CALD1: variants seen among roughly 807,000 people sequenced by gnomAD.
CALD1 encodes caldesmon 1, also known as caldesmon.
A neutral mutation model predicts 99.9 loss-of-function variants in CALD1; 33 were observed. The ratio of observed to expected loss-of-function variants is 0.33; its 90% CI spans 0.25 to 0.44. The LOEUF (loss-of-function observed/expected upper bound fraction) is 0.44. Ranked by LOEUF, CALD1 falls within the 20% of genes least tolerant of loss-of-function variation. The probability of loss-of-function intolerance (pLI) is 1.00; values close to 1 mark genes in which losing one functional copy is unlikely to be tolerated. For missense variants in CALD1, 861 were observed against 962.1 expected (o/e 0.89, Z 1.39); for synonymous variants, 310 against 325.0 (o/e 0.95, Z 0.50).
chr7:134,811,250 A>G (rs1798344658), intron 1 of CALD1, among the ~76,000 whole-genome samples: 3 of 152,226 alleles, frequency 2.0e-5, no homozygotes, highest in Admixed American at 2.0e-4. Flanking sequence ...AATTAATTGA[A>G]GAAAGGGTTG....
intron 9 of CALD1, among the ~76,000 whole-genome samples, chr7:134,951,897 A>G (rs987494979): frequency 1.3e-5 from 2 of 152,250 alleles, no homozygotes; most frequent in African/African-American, 4.8e-5. Flanking sequence ...AATTTGTTAA[A>G]TGATGAATAA....
intron 13 of CALD1, among the ~76,000 whole-genome samples, chr7:134,963,577 AAACT>A (rs1808442133): frequency 6.6e-6 from 1 of 152,264 alleles, no homozygotes; most frequent in Non-Finnish European, 1.5e-5. Flanking sequence ...TATTTTCTAC[AAACT>A]ACCTTTTGCC....
intron 3 of CALD1, among the ~76,000 whole-genome samples, chr7:134,901,761 T>C (rs1036385079): frequency 6.8e-6 from 1 of 148,004 alleles, no homozygotes; most frequent in Non-Finnish European, 1.5e-5. Flanking sequence ...TAGGCCATCG[T>C]AACTCCAGTG....
intron 3 of CALD1, among the ~76,000 whole-genome samples, chr7:134,913,935 T>G (rs968264583): frequency 3.3e-5 from 5 of 152,190 alleles, no homozygotes; most frequent in African/African-American, 1.2e-4. Flanking sequence ...AAGCTTCCTA[T>G]TGTAGAAAGA....
intron 1 of CALD1, among the ~76,000 whole-genome samples, chr7:134,763,361 G>C (rs1364069830): frequency 6.6e-6 from 1 of 152,160 alleles, no homozygotes; most frequent in East Asian, 1.9e-4. Flanking sequence ...TGAGCAAAAA[G>C]AACATATGAG....
At chr7:134,877,812 C>T (rs1337636639) in intron 3 of CALD1, among the ~76,000 whole-genome samples, 1 of 151,890 alleles carries the variant, frequency 6.6e-6, no homozygotes, top group Non-Finnish European at 1.5e-5. Flanking sequence ...CTTCTCAATG[C>T]CAACATTATA....
chr7:134,906,073 G>A (rs1362461273), intron 3 of CALD1, among the ~76,000 whole-genome samples: 3 of 151,848 alleles, frequency 2.0e-5, no homozygotes, highest in Admixed American at 2.0e-4. Context: ...GGGATTACAG[G>A]CACCCACCAC....
intron 3 of CALD1, among the ~76,000 whole-genome samples, chr7:134,886,866 A>T (rs2132466972): frequency 6.6e-6 from 1 of 152,322 alleles, no homozygotes; most frequent in South Asian, 2.1e-4. Flanking sequence ...TTTTGTATAC[A>T]TGTCTTATCT....
At chr7:134,732,028 T>C in the CALD1 span, among the ~76,000 whole-genome samples, 1 of 152,358 alleles carries the variant, frequency 6.6e-6, no homozygotes, top group South Asian at 2.1e-4. Context: ...ATCTGATTAG[T>C]AGTCAAGTCC....
intron 1 of CALD1, among the ~76,000 whole-genome samples, chr7:134,798,934 C>T (rs1337293731): frequency 1.3e-5 from 2 of 152,144 alleles, no homozygotes; most frequent in Admixed American, 6.5e-5. Context: ...GGCTTTATAA[C>T]GTTCCCTCAG....
chr7:134,928,875 C>A lies in CALD1; in HGVS notation c.193C>A (p.Gln65Lys), dbSNP rs1411088190. The change falls in exon 4 of 15, where the codon CAG (glutamine) becomes AAG (lysine). Residue 65 changes from glutamine to lysine, a missense_variant. Around this residue, in one of 5 missense-constraint regions of CALD1, gnomAD observed 123 missense variants for 169.8 expected, o/e 0.72. Transcript: ENST00000361675. ...AGAATCCTTGGGACAGGTGACCGAC[C>A]AGGTGGAGGTGAATGCCCAGAACAG... The part of the protein sequence containing the change: ...EEESLGQVTD[Q>K]VEVNAQNSVP... 6.2e-7 allele frequency: 1 copy of A among 1,613,430 alleles called. No homozygotes were observed. The highest frequency in any genetic ancestry group is 1.3e-5 in the African/African-American group (1 of 74,918).
the CALD1 span, among the ~76,000 whole-genome samples, chr7:134,711,652 C>CAT: frequency 1.5e-5 from 1 of 68,400 alleles, no homozygotes; most frequent in East Asian, 4.3e-4. Flanking sequence ...CTCTCTCTCT[C>CAT]TCTCTCTCTA....
At chr7:134,919,597 A>G (rs1381693295) in intron 3 of CALD1, among the ~76,000 whole-genome samples, 2 of 152,206 alleles carry the variant, frequency 1.3e-5, no homozygotes, top group African/African-American at 4.8e-5. Flanking sequence ...TTGGTATGCA[A>G]ACTTTAGTGA....
At chr7:134,798,651 A>T (rs1797836427) in intron 1 of CALD1, among the ~76,000 whole-genome samples, 1 of 152,260 alleles carries the variant, frequency 6.6e-6, no homozygotes, top group African/African-American at 2.4e-5. Context: ...TTTATGGAAA[A>T]TACCTGTTAG....
chr7:134,753,987 C>A (rs749288138), intron 1 of CALD1, among the ~76,000 whole-genome samples: 1 of 152,226 alleles, frequency 6.6e-6, no homozygotes, highest in Non-Finnish European at 1.5e-5. Context: ...CTTCCAGTCC[C>A]TTCTCTCTGG....
chr7:134,748,900 G>A (rs1796660012), intron 1 of CALD1, among the ~76,000 whole-genome samples: 1 of 152,040 alleles, frequency 6.6e-6, no homozygotes, highest in Admixed American at 6.5e-5. Context: ...CCTCATGTAT[G>A]GGATTAATGC....
At chr7:134,828,324 T>C (rs372327526) in intron 1 of CALD1, among the ~76,000 whole-genome samples, 47 of 152,236 alleles carry the variant, frequency 3.1e-4, no homozygotes, top group African/African-American at 1.1e-3. Flanking sequence ...GAAAGAAAAA[T>C]AAAAATTCAC....
At chr7:134,761,011 A>G (rs960937807) in intron 1 of CALD1, among the ~76,000 whole-genome samples, 1 of 152,218 alleles carries the variant, frequency 6.6e-6, no homozygotes, top group African/African-American at 2.4e-5. Context: ...CTTAGAGAAC[A>G]GGTCTGGGGA....
chr7:134,822,586 T>C (rs1460626836), intron 1 of CALD1, among the ~76,000 whole-genome samples: 1 of 152,232 alleles, frequency 6.6e-6, no homozygotes, highest in African/African-American at 2.4e-5. Context: ...AACATAATCC[T>C]GGAATCTCAA....
Sources: allele counts gnomAD v4.1 joint callset (sites outside exome capture counted in the v4.1 genomes callset), GRCh38; gene constraint gnomAD v4.1.1; regional missense constraint gnomAD v4.1.1; transcripts MANE v1.5; gene names NCBI Gene and HGNC (gene_info 2026-07-23, HGNC 2026-07-21).